Variants in ESRRG observed in about 807,000 individuals in gnomAD.
ESRRG encodes estrogen-related receptor gamma.
In ESRRG, 13 loss-of-function variants were observed where a neutral mutation model predicts 44.0. The observed-to-expected ratio is 0.30, with a 90% CI of 0.19 to 0.47. ESRRG has a LOEUF of 0.47. Among genes scored for constraint, ESRRG ranks in the 20% least tolerant of loss-of-function variants. The pLI is 1.00. For missense variants in ESRRG, 395 were observed against 580.6 expected, an observed-to-expected ratio of 0.68 and a Z score of 3.29; for synonymous variants, 215 against 214.6, an observed-to-expected ratio of 1.00 and a Z score of -0.02.
At chr1:216,613,761 T>A (rs2060997763) in intron 3 of ESRRG, among the ~76,000 whole-genome samples, 1 of 152,228 alleles carries the variant, frequency 6.6e-6, no homozygotes, top group Non-Finnish European at 1.5e-5. Context: ...CTTCTTTTTC[T>A]TCTCTTGAAG....
chr1:216,876,074 T>C (rs774490200), intron 2 of ESRRG, among the ~76,000 whole-genome samples: 16 of 152,174 alleles, frequency 1.1e-4, no homozygotes, highest in Non-Finnish European at 1.6e-4. Flanking sequence ...TCTAAACTGA[T>C]AAAGCTGAAG....
At chr1:216,580,450 A>C (rs2062548370) in intron 3 of ESRRG, among the ~76,000 whole-genome samples, 1 of 152,224 alleles carries the variant, frequency 6.6e-6, no homozygotes, top group South Asian at 2.1e-4. Context: ...TTAACTATTC[A>C]TCATAGATAA....
intron 3 of ESRRG, among the ~76,000 whole-genome samples, chr1:216,572,913 T>C (rs999296239): frequency 6.6e-6 from 1 of 152,090 alleles, no homozygotes; most frequent in Admixed American, 6.5e-5. Context: ...TTAGTAGTAA[T>C]AAATGCAAAT....
upstream of ESRRG, among the ~76,000 whole-genome samples, chr1:216,727,499 G>T (rs2087783416): frequency 6.6e-6 from 1 of 151,984 alleles, no homozygotes; most frequent in South Asian, 2.1e-4. Context: ...GAAAATTGGG[G>T]TTTCTTTTGT....
intron 5 of ESRRG, among the ~76,000 whole-genome samples, chr1:216,556,971 T>C (rs1357622790): frequency 1.3e-5 from 2 of 152,170 alleles, no homozygotes; most frequent in East Asian, 1.9e-4. Flanking sequence ...TTTTATATGG[T>C]CAAGTCTTGC....
At chr1:216,559,676 G>A (rs546738174) in intron 5 of ESRRG, among the ~76,000 whole-genome samples, 71 of 152,230 alleles carry the variant, frequency 4.7e-4, no homozygotes, top group African/African-American at 1.6e-3. Flanking sequence ...TTGTGCTTTT[G>A]CACGTATCCT....
chr1:216,841,641 C>G (rs1470216346), intron 2 of ESRRG, among the ~76,000 whole-genome samples: 1 of 152,108 alleles, frequency 6.6e-6, no homozygotes, highest in African/African-American at 2.4e-5. Flanking sequence ...AGACAGGTAG[C>G]TTATGGCAGG....
At chr1:216,704,752 A>G (rs1388711922) in intron 1 of ESRRG, among the ~76,000 whole-genome samples, 2 of 152,038 alleles carry the variant, frequency 1.3e-5, no homozygotes, top group Non-Finnish European at 2.9e-5. Context: ...TATAATGTAA[A>G]AATTGGAGGA....
At chr1:217,127,165 C>T (rs922118821) in intron 1 of ESRRG, among the ~76,000 whole-genome samples, 6 of 152,174 alleles carry the variant, frequency 3.9e-5, no homozygotes, top group East Asian at 1.9e-4. Flanking sequence ...ACTGCTTGTT[C>T]GAAGTCTCAT....
At chr1:216,721,534 C>T (rs1310699734) in intron 1 of ESRRG, among the ~76,000 whole-genome samples, 1 of 152,146 alleles carries the variant, frequency 6.6e-6, no homozygotes, top group African/African-American at 2.4e-5. Context: ...GAATCTTGCG[C>T]CAAAGCCAAA....
intron 2 of ESRRG, among the ~76,000 whole-genome samples, chr1:216,898,958 C>T (rs916595169): frequency 1.3e-5 from 2 of 152,130 alleles, no homozygotes; most frequent in East Asian, 1.9e-4. Flanking sequence ...TCAATACACT[C>T]CCATTAGCTC....
At chr1:216,643,571 T>C (rs2066888322) in intron 3 of ESRRG, among the ~76,000 whole-genome samples, 1 of 152,174 alleles carries the variant, frequency 6.6e-6, no homozygotes, top group African/African-American at 2.4e-5. Flanking sequence ...TGAGATACAG[T>C]GTCCTCAACC....
At chr1:216,703,895 A>G (rs893129102) in intron 1 of ESRRG, among the ~76,000 whole-genome samples, 3 of 152,168 alleles carry the variant, frequency 2.0e-5, no homozygotes, top group Non-Finnish European at 4.4e-5. Flanking sequence ...GCTTGATGTA[A>G]GGAAAATATC....
intron 1 of ESRRG, among the ~76,000 whole-genome samples, chr1:217,118,137 C>T (rs970667428): frequency 6.6e-6 from 1 of 152,212 alleles, no homozygotes. Flanking sequence ...GTATACTACT[C>T]ACCCCTTCAT....
chr1:216,780,520 T>C (rs1275772612), intron 2 of ESRRG, among the ~76,000 whole-genome samples: 1 of 152,074 alleles, frequency 6.6e-6, no homozygotes, highest in East Asian at 1.9e-4. Context: ...CGAAATCAGA[T>C]ACTGTGTGTA....
At chr1:216,964,182 C>T (rs767628009) in intron 1 of ESRRG, among the ~76,000 whole-genome samples, 1 of 152,146 alleles carries the variant, frequency 6.6e-6, no homozygotes, top group African/African-American at 2.4e-5. Flanking sequence ...TGAGGGAATG[C>T]TTAGGATTTT....
intron 2 of ESRRG, among the ~76,000 whole-genome samples, chr1:216,785,102 C>CT: frequency 6.6e-6 from 1 of 151,772 alleles, no homozygotes; most frequent in East Asian, 1.9e-4. Context: ...ATTAACAAGA[C>CT]TTTTTTCAAA....
intron 3 of ESRRG, among the ~76,000 whole-genome samples, chr1:216,611,960 C>T (rs1220275985): frequency 6.6e-6 from 1 of 152,146 alleles, no homozygotes; most frequent in Non-Finnish European, 1.5e-5. Flanking sequence ...GTGGCTGAAA[C>T]ATCTGGTGCC....
intron 1 of ESRRG, among the ~76,000 whole-genome samples, chr1:216,976,494 A>G (rs1178322975): frequency 5.9e-5 from 9 of 152,136 alleles, no homozygotes; most frequent in Admixed American, 1.3e-4. Context: ...TATTAAGTTT[A>G]CCTTCAGCAG....
Sources: gnomAD v4.1 joint callset for allele counts (sites outside exome capture counted in the v4.1 genomes callset) on GRCh38, gnomAD v4.1.1 for gene constraint, MANE v1.5 for transcripts, NCBI Gene and HGNC (gene_info 2026-07-23, HGNC 2026-07-21) for gene names.